The following METTL8 variants were observed in gnomAD, a reference collection of about 807,000 sequenced individuals.
METTL8 encodes methyltransferase 8, tRNA N3-cytidine.
A neutral mutation model predicts 48.7 loss-of-function variants in METTL8; 32 were observed. That is an observed-to-expected ratio of 0.66 (90% CI 0.50 to 0.88). The LOEUF (loss-of-function observed/expected upper bound fraction) is 0.88, where lower values mean the gene tolerates loss of function less well. Among genes scored for constraint, METTL8 ranks in the 40% least tolerant of loss-of-function variants. METTL8 has a pLI of 0.00. For synonymous variants in METTL8, 136 were observed against 157.1 expected, an observed-to-expected ratio of 0.87 and a Z score of 1.01; for missense variants, 464 against 474.4, an observed-to-expected ratio of 0.98 and a Z score of 0.20.
chr2:171,431,651 A>G (rs1254516085), intron 1 of METTL8, among the ~76,000 whole-genome samples: 5 of 152,238 alleles, frequency 3.3e-5, no homozygotes, highest in African/African-American at 4.8e-5. Flanking sequence ...ATGGGTAGGA[A>G]GAAGAGAGTA....
intron 2 of METTL8, among the ~76,000 whole-genome samples, chr2:171,373,520 A>G (rs1686601309): frequency 6.6e-6 from 1 of 151,728 alleles, no homozygotes; most frequent in Non-Finnish European, 1.5e-5. Flanking sequence ...TTTTGTTGTC[A>G]TTGCTTTTGG....
In METTL8 at chr2:171,328,588, G is replaced by T. The variant is rs553539575; in HGVS notation, c.860+1971C>A. On this transcript the variant is annotated intron_variant, in intron 7 of 9. Transcript: ENST00000375258. ...TACAGTGGCGTGATCTTGGGTCACT[G>T]CAACCTCCGTCTCCTGGGTTCCAGT... Among the ~76,000 whole-genome samples the T allele has an allele frequency of 7.2e-5, 11 of 152,302 alleles. No individual in the cohort carries two copies. The South Asian group carries it at 2.3e-3, about 32-fold the overall frequency.
chr2:171,398,647 T>A (rs1689351711), intron 1 of METTL8, among the ~76,000 whole-genome samples: 1 of 152,202 alleles, frequency 6.6e-6, no homozygotes, highest in South Asian at 2.1e-4. Flanking sequence ...CTACAGTTAA[T>A]AATATTGTAT....
chr2:171,396,184 C>T (rs1455619371), intron 1 of METTL8, among the ~76,000 whole-genome samples: 1 of 151,914 alleles, frequency 6.6e-6, no homozygotes, highest in Non-Finnish European at 1.5e-5. Flanking sequence ...ATCACTTGAA[C>T]CCAGGAGGCG....
Position 171,392,174 on chromosome 2 carries a change from A to G in METTL8, c.12T>C (p.Ile4=), listed in dbSNP as rs1038074230. MNM[I]WRNSISCLRL... is the part of the protein sequence containing the mutation. ...TTAGACAAGAAATGGAATTTCTCCA[A>G]ATCATATTCATCCTAAGCAGTACCT... Residue 4 remains isoleucine, a synonymous_variant, in exon 2 of 10, where the codon ATT becomes ATC. Transcript: ENST00000375258. 3.4e-5 allele frequency: 53 copies of G among 1,551,328 alleles called. No homozygotes were observed. The highest frequency in any genetic ancestry group is 1.6e-4 in the Admixed American group (8 of 50,972).
intron 1 of METTL8, among the ~76,000 whole-genome samples, chr2:171,398,291 A>G (rs1370059165): frequency 6.6e-6 from 1 of 152,330 alleles, no homozygotes; most frequent in East Asian, 1.9e-4. Context: ...ACATACATAC[A>G]TATATATGTA....
chr2:171,362,176 T>C (rs920602014), intron 2 of METTL8, among the ~76,000 whole-genome samples: 13 of 152,220 alleles, frequency 8.5e-5, no homozygotes, highest in African/African-American at 3.1e-4. Context: ...CAAGACACAG[T>C]GAAGCGGGGA....
At chr2:171,404,797 G>C (rs574683457) in intron 1 of METTL8, among the ~76,000 whole-genome samples, 12 of 152,244 alleles carry the variant, frequency 7.9e-5, no homozygotes, top group African/African-American at 2.9e-4. Context: ...TACAATCTTG[G>C]TGTACATTGA....
At chr2:171,412,028 TA>T (rs763477198) in intron 1 of METTL8, among the ~76,000 whole-genome samples, 17 of 152,318 alleles carry the variant, frequency 1.1e-4, no homozygotes, top group Non-Finnish European at 2.2e-4. Flanking sequence ...TTCATCACAC[TA>T]ATAATAAATG....
At chr2:171,352,314 TTTG>T (rs1475304923) in intron 3 of METTL8, among the ~76,000 whole-genome samples, 1 of 152,138 alleles carries the variant, frequency 6.6e-6, no homozygotes. Flanking sequence ...ATGAAGCCCA[TTTG>T]GTCATGGTGG....
intron 2 of METTL8, among the ~76,000 whole-genome samples, chr2:171,371,573 T>A (rs1033924764): frequency 2.0e-5 from 3 of 152,018 alleles, no homozygotes; most frequent in Non-Finnish European, 2.9e-5. Context: ...GCCAGGCTGG[T>A]CTTGAACTCC....
intron 2 of METTL8, among the ~76,000 whole-genome samples, chr2:171,386,045 A>C (rs918782859): frequency 6.6e-6 from 1 of 152,236 alleles, no homozygotes; most frequent in Non-Finnish European, 1.5e-5. Context: ...TTGTGCAGCC[A>C]GCCCAAAGCT....
intron 1 of METTL8, among the ~76,000 whole-genome samples, chr2:171,400,508 T>C (rs1051937574): frequency 5.3e-5 from 8 of 152,160 alleles, no homozygotes; most frequent in African/African-American, 1.9e-4. Flanking sequence ...TAGCAAGCAA[T>C]GCCATTGGTA....
At chr2:171,363,356 C>T (rs1685359136) in intron 2 of METTL8, among the ~76,000 whole-genome samples, 1 of 151,894 alleles carries the variant, frequency 6.6e-6, no homozygotes, top group African/African-American at 2.4e-5. Context: ...TTCACGTATC[C>T]CAAAACCCAA....
intron 9 of METTL8, 121 bp from the exon 10 acceptor site, chr2:171,324,483 AG>A: frequency 1.1e-6 from 1 of 916,794 alleles, no homozygotes; most frequent in Non-Finnish European, 1.6e-6. Context: ...AACACTCTCT[AG>A]AACAATTTGG....
rs1338702384 is a variant in METTL8, at chr2:171,320,327, C to A, written c.*3845G>T. ...CCAAAAGAGACCAGTTTGTGTCTCACAGTCCAAATTTGGTTGATGTATTTT... is the reference window on the plus strand; with the variant it reads ...CCAAAAGAGACCAGTTTGTGTCTCAAAGTCCAAATTTGGTTGATGTATTTT... On this transcript the variant is annotated 3_prime_UTR_variant, in exon 10 of 10. Coordinates refer to ENST00000375258, the MANE Select transcript of METTL8 (RefSeq NM_001321154.2). 2 of 152,194 alleles carry A rather than the reference C, an allele frequency of 1.3e-5. No homozygotes were observed. Among genetic ancestry groups the A allele is most frequent in the African/African-American group, 4.8e-5 (2 of 41,436 alleles). The allele number at this position is 152,194 out of a possible 1,614,324, so 9.4% of individuals were successfully genotyped here.
At chr2:171,421,670 C>A (rs1376016385) in intron 1 of METTL8, among the ~76,000 whole-genome samples, 1 of 152,148 alleles carries the variant, frequency 6.6e-6, no homozygotes, top group Non-Finnish European at 1.5e-5. Flanking sequence ...CATGGGTCCA[C>A]TTATATGAGG....
rs1360221290 is a variant in METTL8 at position 171,316,618 on chromosome 2, G to C, written c.*7554C>G. Reference sequence around the variant, plus strand: ...TAAGAATATATTCATGGAAAGGATAGATCTTCCTTGCTTTTTGGGATCCTG... The same window carrying C: ...TAAGAATATATTCATGGAAAGGATACATCTTCCTTGCTTTTTGGGATCCTG... On this transcript the variant is annotated 3_prime_UTR_variant, in exon 10 of 10. Coordinates refer to ENST00000375258, the MANE Select transcript of METTL8 (RefSeq NM_001321154.2). Among the ~76,000 whole-genome samples the C allele has an allele frequency of 1.3e-5, 2 of 152,160 alleles. No homozygotes were observed.
chr2:171,329,024 C>T (rs975673064), intron 7 of METTL8, among the ~76,000 whole-genome samples: 9 of 140,768 alleles, frequency 6.4e-5, no homozygotes, highest in South Asian at 2.3e-4. Flanking sequence ...CTTGCTTTGT[C>T]GCCCAGGCTG....
Sources: allele counts gnomAD v4.1 joint callset (sites outside exome capture counted in the v4.1 genomes callset), GRCh38; gene constraint gnomAD v4.1.1; transcripts MANE v1.5; gene names NCBI Gene and HGNC (gene_info 2026-07-23, HGNC 2026-07-21).